The following SYT2 variants were observed in gnomAD, a reference collection of about 807,000 sequenced individuals.
SYT2 encodes synaptotagmin-2.
In SYT2, 15 loss-of-function variants were observed where a neutral mutation model predicts 39.9. The ratio of observed to expected loss-of-function variants is 0.38; its 90% CI spans 0.25 to 0.58. The LOEUF is 0.58. Ranked by LOEUF, SYT2 falls within the 20% of genes least tolerant of loss-of-function variation. SYT2 has a pLI of 0.70. For synonymous variants in SYT2, 181 were observed against 204.5 expected, an observed-to-expected ratio of 0.89 and a Z score of 0.98; for missense variants, 389 against 530.3, an observed-to-expected ratio of 0.73 and a Z score of 2.62.
At chr1:202,622,185 T>C (rs1384434711) in intron 1 of SYT2, among the ~76,000 whole-genome samples, 1 of 152,218 alleles carries the variant, frequency 6.6e-6, no homozygotes, top group Non-Finnish European at 1.5e-5. Flanking sequence ...GCTAGAAAGA[T>C]CAATACTTAA....
At chr1:202,692,023 C>A (rs1653849659) in intron 1 of SYT2, among the ~76,000 whole-genome samples, 1 of 152,062 alleles carries the variant, frequency 6.6e-6, no homozygotes, top group Admixed American at 6.5e-5. Flanking sequence ...AGTCTCTGCC[C>A]AGCACTCCAC....
At chr1:202,707,744 G>C (rs1016801038) in intron 1 of SYT2, among the ~76,000 whole-genome samples, 2 of 152,210 alleles carry the variant, frequency 1.3e-5, no homozygotes, top group African/African-American at 4.8e-5. Context: ...GAAGAAAAAG[G>C]AGACCCCATT....
At chr1:202,605,864 AC>A in intron 1 of SYT2, 75 bp from the exon 2 acceptor site, 1 of 1,075,576 alleles carries the variant, frequency 9.3e-7, no homozygotes, top group Non-Finnish European at 1.4e-6. Flanking sequence ...TGCCCAAAGG[AC>A]CAGGAGAAGC....
chr1:202,602,421 C>T lies in SYT2; in HGVS notation c.590G>A (p.Arg197Gln), dbSNP rs201875273. 11 of 1,614,146 alleles carry T rather than the reference C, an allele frequency of 6.8e-6. No individual in the cohort carries two copies. The Admixed American group carries it at 1.0e-4, about 15-fold the overall frequency. ...KKKKYETKVH[R>Q]KTLNPAFNET... is the part of the protein sequence containing the mutation. ...ATTGAAGGCAGGGTTCAGTGTCTTC[C>T]GATGGACTTTGGTCTCATATTTCTT... The change falls in exon 5 of 9, where the codon CGG becomes CAG. Residue 197 changes from arginine (R) to glutamine (Q), a missense_variant. By Grantham distance (43) the Arg-to-Gln change is conservative. This residue lies in a region of SYT2 where 280 missense variants were observed against 335.6 expected (regional missense o/e 0.83). Transcript: ENST00000367268.
chr1:202,675,062 A>T (rs531938440), intron 1 of SYT2, among the ~76,000 whole-genome samples: 1 of 152,322 alleles, frequency 6.6e-6, no homozygotes, highest in South Asian at 2.1e-4. Context: ...TTATTACAGC[A>T]TCCCCTGAAC....
intron 1 of SYT2, among the ~76,000 whole-genome samples, chr1:202,636,004 C>G (rs1435663458): frequency 1.3e-5 from 2 of 152,140 alleles, no homozygotes; most frequent in Non-Finnish European, 2.9e-5. Flanking sequence ...TGTGGATAGT[C>G]TGGCTGCAAG....
At chr1:202,709,857 C>A (rs573103205) in intron 1 of SYT2, among the ~76,000 whole-genome samples, 19 of 152,236 alleles carry the variant, frequency 1.2e-4, no homozygotes, top group African/African-American at 4.6e-4. Flanking sequence ...TCCTTGGAGA[C>A]CGCTAGGGCT....
chr1:202,622,502 A>G (rs374778638), intron 1 of SYT2, among the ~76,000 whole-genome samples: 1 of 152,012 alleles, frequency 6.6e-6, no homozygotes, highest in Non-Finnish European at 1.5e-5. Flanking sequence ...TCTAACTTCA[A>G]TCTCTCCTGC....
In SYT2 at chr1:202,599,446, G is replaced by C; in HGVS notation, c.920-95C>G. ...GGCCTGCCCAGAGCATCGGTCAAGAGGGGGTCTTCACTCCGCTGAGACCAG... is the reference window on the plus strand; with the variant it reads ...GGCCTGCCCAGAGCATCGGTCAAGACGGGGTCTTCACTCCGCTGAGACCAG... On this transcript the variant is annotated intron_variant, in intron 7 of 8. Coordinates refer to ENST00000367268, the MANE Select transcript of SYT2 (RefSeq NM_177402.5). The surrounding 1 kb of genome is among the most constrained non-coding windows in gnomAD (Gnocchi z 4.4). The C allele has an allele frequency of 7.1e-7, 1 of 1,399,640 alleles. No individual in the cohort carries two copies. The highest frequency in any genetic ancestry group is 9.5e-7 in the Non-Finnish European group (1 of 1,047,424). 86.7% of individuals were successfully genotyped at this position (1,399,640 alleles called of 1,614,324 possible).
intron 1 of SYT2, among the ~76,000 whole-genome samples, chr1:202,635,579 A>C (rs1691718230): frequency 6.6e-6 from 1 of 152,196 alleles, no homozygotes; most frequent in Non-Finnish European, 1.5e-5. Context: ...GCTCTTGGTA[A>C]AATGATATTC....
intron 1 of SYT2, among the ~76,000 whole-genome samples, chr1:202,610,694 G>A (rs1224359651): frequency 2.0e-5 from 3 of 152,118 alleles, no homozygotes; most frequent in Non-Finnish European, 2.9e-5. Context: ...CAAACAGAGA[G>A]CCAAATCATG....
At position 202,596,749 on chromosome 1, in the gene SYT2, G is replaced by A. The variant is rs376817511; in HGVS notation, c.*8C>T. On this transcript the variant is annotated 3_prime_UTR_variant, in exon 9 of 9. Coordinates refer to ENST00000367268, the MANE Select transcript of SYT2 (RefSeq NM_177402.5). ...CCGTGAAAGGTGTGGGGTCCCAGCC[G>A]CTGCTGTCTACTTGTTCTTGCCCAG... is the stretch of plus-strand genomic sequence containing the variant. 186 of 1,610,694 alleles carry A rather than the reference G, an allele frequency of 1.2e-4. 3 individuals are homozygous for A. Among genetic ancestry groups the A allele is most frequent in the Middle Eastern group, 1.6e-4 (1 of 6,070 alleles).
chr1:202,615,212 C>T (rs111586220), intron 1 of SYT2, among the ~76,000 whole-genome samples: 19 of 152,290 alleles, frequency 1.2e-4, no homozygotes, highest in African/African-American at 4.3e-4. Context: ...CTTTTCCAGA[C>T]TCCAACAAAA....
At chr1:202,669,450 G>C (rs1692541338) in intron 1 of SYT2, among the ~76,000 whole-genome samples, 1 of 152,128 alleles carries the variant, frequency 6.6e-6, no homozygotes, top group East Asian at 1.9e-4. Flanking sequence ...AGGAGTTCAA[G>C]ACCAGTCTGG....
rs1225508412 is a variant in SYT2, at chr1:202,590,937, C to T, written c.*5820G>A. 6.6e-6 allele frequency: 1 copy of T among 152,226 alleles called. No homozygotes were observed. Among genetic ancestry groups the T allele is most frequent in the Non-Finnish European group, 1.5e-5 (1 of 68,098 alleles). The allele number at this position is 152,226 out of a possible 1,614,324, so 9.4% of individuals were successfully genotyped here. On this transcript the variant is annotated 3_prime_UTR_variant, in exon 9 of 9. Transcript: ENST00000367268. The stretch of plus-strand genomic sequence containing the variant: ...TCTTTGAAGAGGCCCCCCTAAAGTC[C>T]TGATCGCTAAGGCAGGTGGGATGGA...
At chr1:202,659,075 A>T (rs1207362209) in intron 1 of SYT2, among the ~76,000 whole-genome samples, 1 of 152,096 alleles carries the variant, frequency 6.6e-6, no homozygotes, top group African/African-American at 2.4e-5. Context: ...TGGAGGGAAA[A>T]TGACAACACC....
intron 1 of SYT2, among the ~76,000 whole-genome samples, chr1:202,619,465 C>G (rs1691145503): frequency 6.6e-6 from 1 of 152,178 alleles, no homozygotes; most frequent in African/African-American, 2.4e-5. Context: ...AGGGAGAAGA[C>G]ACACAAGGGA....
intron 1 of SYT2, among the ~76,000 whole-genome samples, chr1:202,655,632 G>C (rs1386535021): frequency 6.6e-6 from 1 of 152,128 alleles, no homozygotes; most frequent in Non-Finnish European, 1.5e-5. Context: ...GTTAAACAAT[G>C]TCCCTAGGGT....
In SYT2 at chr1:202,623,733, T is replaced by G. The variant is rs555474226; in HGVS notation, c.-17-17944A>C. ...GTGTGAGGGAGGACGGGTAGGACTG[T>G]GGGGGTCTGCCCTGGTCGTGCTCCC... On this transcript the variant is annotated intron_variant, in intron 1 of 8. Transcript: ENST00000367268. This position sits in a 1 kb window ranked among gnomAD's most constrained non-coding sequence, Gnocchi z 4.2. Among the ~76,000 whole-genome samples, 3 of 152,202 alleles carry G rather than the reference T, an allele frequency of 2.0e-5. No individual in the cohort carries two copies. The highest frequency in any genetic ancestry group is 2.9e-5 in the Non-Finnish European group (2 of 68,002).
Sources: allele counts gnomAD v4.1 joint callset (sites outside exome capture counted in the v4.1 genomes callset), GRCh38; gene constraint gnomAD v4.1.1; regional missense constraint gnomAD v4.1.1; non-coding constraint Gnocchi (gnomAD v3.1); transcripts MANE v1.5; gene names NCBI Gene and HGNC (gene_info 2026-07-23, HGNC 2026-07-21).